P2RX6: variants seen among roughly 807,000 people sequenced by gnomAD.
The protein encoded by P2RX6 is purinergic receptor P2X 6, also known as P2X purinoceptor 6.
P2RX6 carries 62 observed loss-of-function variants against 54.2 expected under a neutral mutation model. The observed-to-expected ratio is 1.14, with a 90% confidence interval of 0.93 to 1.41. The LOEUF is 1.41. P2RX6 is among the 40% of genes most tolerant of loss of function. P2RX6 has a pLI of 0.00. For synonymous variants in P2RX6, 211 were observed against 231.9 expected (o/e 0.91, Z 0.82); for missense variants, 541 against 566.3 (o/e 0.96, Z 0.45).
At chr22:21,019,153 C>T (rs1926928709) in intron 3 of P2RX6, among the ~76,000 whole-genome samples, 1 of 152,210 alleles carries the variant, frequency 6.6e-6, no homozygotes, top group Non-Finnish European at 1.5e-5. Context: ...TTTACCTCCA[C>T]AGTGACATCT....
At position 21,026,197 on chromosome 22, in the gene P2RX6, G is replaced by A. The variant is rs1372933084; in HGVS notation, c.1051-55G>A. The stretch of plus-strand genomic sequence containing the variant: ...GAGTCTCGGGGTGCAGGCTGGGGAG[G>A]TGGCAGGAGAGCAGGCTCGGGGGCT... On this transcript the variant is annotated intron_variant, in intron 10 of 11. Coordinates refer to ENST00000413302, the MANE Select transcript of P2RX6 (RefSeq NM_005446.5). The surrounding 1 kb of genome is among the most constrained non-coding windows in gnomAD (Gnocchi z 4.0). 1.5e-4 allele frequency: 236 copies of A among 1,546,816 alleles called. No homozygotes were observed. Among genetic ancestry groups the A allele is most frequent in the Non-Finnish European group, 2.0e-4 (231 of 1,139,806 alleles).
At position 21,025,780 on chromosome 22, in the gene P2RX6, C is replaced by T. The variant is rs775847614; in HGVS notation, c.891-25C>T. 8 of 1,540,220 alleles carry T rather than the reference C, an allele frequency of 5.2e-6. No homozygotes were observed. The South Asian group carries it at 8.3e-5, about 16-fold the overall frequency. Reference sequence around the variant, plus strand: ...ACCTGGGGGTGGGCAAAGCAGGTCACCAGAGCCTTCTTTCCTGCCCACAGG... The same window carrying T: ...ACCTGGGGGTGGGCAAAGCAGGTCATCAGAGCCTTCTTTCCTGCCCACAGG... On this transcript the variant is annotated intron_variant, in intron 8 of 11. Coordinates refer to ENST00000413302, the MANE Select transcript of P2RX6 (RefSeq NM_005446.5).
At chr22:21,022,633 A>T in intron 3 of P2RX6, 43 bp from the exon 4 acceptor site, 1 of 1,386,058 alleles carries the variant, frequency 7.2e-7, no homozygotes, top group Non-Finnish European at 9.7e-7. Flanking sequence ...TGGAGGGGAG[A>T]CATCCCCTGT....
chr22:21,015,384 G>A (rs1490919831), intron 1 of P2RX6, 46 bp downstream of exon 1: 2 of 1,520,030 alleles, frequency 1.3e-6, no homozygotes, highest in African/African-American at 2.9e-5. Context: ...CAAGGGAAGA[G>A]GTGGGGGGTG....
upstream of P2RX6, among the ~76,000 whole-genome samples, chr22:21,013,542 C>G (rs934404847): frequency 3.9e-5 from 6 of 152,188 alleles, no homozygotes; most frequent in Non-Finnish European, 8.8e-5. Flanking sequence ...AGCTATGATC[C>G]TGCCACTGCA....
intron 8 of P2RX6, among the ~76,000 whole-genome samples, chr22:21,024,280 CT>C (rs35973141): frequency 0.029 from 3,944 of 133,748 alleles, 152 homozygotes; most frequent in African/African-American, 0.097. Context: ...TTTACCTAAA[CT>C]TTTTTTTTTT....
rs770056636 is a variant in P2RX6 at position 21,023,142 on chromosome 22, G to T, written c.582G>T (p.Gln194His). ...GGAGGCCCCTGCTGGCCCAGGCCCA[G>T]AACTTCACACTGTTCATCAAAAACA... Reference protein sequence around the residue: ...VPSRPLLAQAQNFTLFIKNTV... With the variant: ...VPSRPLLAQAHNFTLFIKNTV... Residue 194 changes from glutamine to histidine, a missense_variant, in exon 6 of 12, where the codon CAG (glutamine) becomes CAT (histidine). Transcript: ENST00000413302. The T allele has an allele frequency of 6.2e-7, 1 of 1,613,730 alleles. No homozygotes were observed. Among genetic ancestry groups the T allele is most frequent in the Admixed American group, 1.7e-5 (1 of 59,994 alleles).
chr22:21,024,390 G>A (rs957191772), intron 8 of P2RX6, among the ~76,000 whole-genome samples: 22 of 151,294 alleles, frequency 1.5e-4, no homozygotes, highest in Non-Finnish European at 2.8e-4. Context: ...CCATTCTCCT[G>A]CCTCAGCCTC....
At chr22:21,021,670 A>G (rs768525681) in intron 3 of P2RX6, among the ~76,000 whole-genome samples, 19 of 151,660 alleles carry the variant, frequency 1.3e-4, no homozygotes, top group Non-Finnish European at 2.6e-4. Context: ...TGCCCTGGGC[A>G]GCAGTGTCCA....
intron 3 of P2RX6, among the ~76,000 whole-genome samples, chr22:21,021,834 G>A (rs1185455579): frequency 2.6e-5 from 4 of 152,128 alleles, no homozygotes; most frequent in Non-Finnish European, 5.9e-5. Context: ...ATGTCCCCAG[G>A]TTACAGAAGA....
intron 2 of P2RX6, 142 bp downstream of exon 2, chr22:21,016,234 G>A (rs1179896207): frequency 7.1e-5 from 62 of 876,376 alleles, no homozygotes; most frequent in South Asian, 5.5e-4. Context: ...GCTTCACAGA[G>A]GAGTGGCACC....
chr22:21,022,383 A>T lies in P2RX6; in HGVS notation c.388-293A>T, dbSNP rs1446185717. On this transcript the variant is annotated intron_variant, in intron 3 of 11. Transcript: ENST00000413302. ...AGTGAGACCGAATCACTAAAAATAA[A>T]TTTTTTGAAAAAGGAGGAAAGGGGT... Among the ~76,000 whole-genome samples, 12 of 152,248 alleles carry T rather than the reference A, an allele frequency of 7.9e-5. No homozygotes were observed. In the South Asian group the frequency reaches 2.1e-3, roughly 26 times the overall value.
chr22:21,025,185 G>A (rs370687738), intron 8 of P2RX6, among the ~76,000 whole-genome samples: 4 of 152,146 alleles, frequency 2.6e-5, no homozygotes, highest in South Asian at 4.1e-4. Flanking sequence ...CTGGCCTCAA[G>A]TTTCATAAAT....
upstream of P2RX6, among the ~76,000 whole-genome samples, chr22:21,013,624 G>A (rs779461403): frequency 9.2e-5 from 14 of 152,208 alleles, no homozygotes; most frequent in Non-Finnish European, 1.8e-4. Flanking sequence ...GCTAGTGGTA[G>A]CTAATCCTGC....
chr22:21,023,641 G>C (rs777040352), intron 8 of P2RX6, 23 bp downstream of exon 8: 12 of 1,530,820 alleles, frequency 7.8e-6, no homozygotes, highest in Non-Finnish European at 1.1e-5. Context: ...TGCTCCCAGT[G>C]CCCAGCTGCT....
chr22:21,012,897 C>T (rs1299436150), upstream of P2RX6: 1 of 163,348 alleles, frequency 6.1e-6, no homozygotes, highest in Non-Finnish European at 1.3e-5. Context: ...TCAATCCCAT[C>T]TGTCTCTCAG....
At chr22:21,022,357 G>T (rs1050930189) in intron 3 of P2RX6, among the ~76,000 whole-genome samples, 2 of 152,216 alleles carry the variant, frequency 1.3e-5, no homozygotes, top group Admixed American at 1.3e-4. Flanking sequence ...CTGGACAACA[G>T]AGTGAGACCG....
chr22:21,023,465 T>A (rs367860066), intron 7 of P2RX6, 44 bp from the exon 8 acceptor site: 1 of 1,613,418 alleles, frequency 6.2e-7, no homozygotes, highest in Non-Finnish European at 8.5e-7. Flanking sequence ...TGGGAGAGGG[T>A]CCCGGGCCCA....
At chr22:21,012,172 C>G (rs1353371034), upstream of P2RX6, among the ~76,000 whole-genome samples, 13 of 152,180 alleles carry the variant, frequency 8.5e-5, no homozygotes, top group East Asian at 1.9e-4. Context: ...CCTTGCCCAC[C>G]CCTTTCTTGA....
Sources: gnomAD v4.1 joint callset for allele counts (sites outside exome capture counted in the v4.1 genomes callset) on GRCh38, gnomAD v4.1.1 for gene constraint, Gnocchi (gnomAD v3.1) non-coding constraint, MANE v1.5 for transcripts, NCBI Gene and HGNC (gene_info 2026-07-23, HGNC 2026-07-21) for gene names.